Variants in CCDC38 observed in about 807,000 individuals in gnomAD.
CCDC38 encodes coiled-coil domain containing 38.
In CCDC38, 69 loss-of-function variants were observed where a neutral mutation model predicts 72.8. The ratio of observed to expected loss-of-function variants is 0.95; its 90% CI spans 0.78 to 1.16. The LOEUF is 1.16. Among genes scored for constraint, CCDC38 ranks in the 50% most tolerant of loss-of-function variants. The pLI, the probability that CCDC38 is intolerant of heterozygous loss-of-function variation, is 0.00. For synonymous variants in CCDC38, 201 were observed against 213.2 expected (o/e 0.94, Z 0.50); for missense variants, 626 against 638.9 (o/e 0.98, Z 0.22).
chr12:95,867,174 C>A lies in CCDC38; in HGVS notation c.1594G>T (p.Val532Phe). The A allele has an allele frequency of 6.3e-7, 1 of 1,589,542 alleles. No individual in the cohort carries two copies. The highest frequency in any genetic ancestry group is 1.1e-5 in the South Asian group (1 of 88,822). The change falls in exon 16 of 16, where the codon GTC becomes TTC. Residue 532 changes from valine (V) to phenylalanine (F), a missense_variant. Val to Phe is a conservative substitution (Grantham distance 50). Transcript: ENST00000344280. ...CCAGATGGAGGTTTTGAATGAAAGA[C>A]AAGTCGTCTTCCCAACTGAAACAAA... The part of the protein sequence containing the change: ...QPKKKLGRRL[V>F]FHSKPPSGNK...
At chr12:95,875,826 C>T (rs1028994821) in intron 13 of CCDC38, among the ~76,000 whole-genome samples, 2 of 152,102 alleles carry the variant, frequency 1.3e-5, no homozygotes, top group Non-Finnish European at 1.5e-5. Flanking sequence ...AGGAATTTTA[C>T]GTCAATTCTA....
intron 4 of CCDC38, among the ~76,000 whole-genome samples, chr12:95,907,359 G>T (rs1235431905): frequency 6.9e-6 from 1 of 144,390 alleles, no homozygotes; most frequent in African/African-American, 2.6e-5. Flanking sequence ...AGACGGGGTG[G>T]TGGCCGGGCA....
chr12:95,917,534 A>G (rs1300431817), intron 3 of CCDC38, among the ~76,000 whole-genome samples: 1 of 152,168 alleles, frequency 6.6e-6, no homozygotes, highest in Non-Finnish European at 1.5e-5. Context: ...ATGTCCTCTC[A>G]GCTTCATTTT....
At chr12:95,886,504 C>A (rs969960089) in intron 10 of CCDC38, among the ~76,000 whole-genome samples, 5 of 151,606 alleles carry the variant, frequency 3.3e-5, no homozygotes, top group African/African-American at 1.2e-4. Flanking sequence ...CTGCAAAAGA[C>A]CCTATTAAGA....
rs575235781 is a variant in CCDC38, at chr12:95,911,896, T to C, written c.304+5233A>G. ...ACCTCCCCAAAAATAAATTGTTCTG[T>C]CAAAAAGACACATGCACTTGTATGT... On this transcript the variant is annotated intron_variant, in intron 4 of 15. Coordinates refer to ENST00000344280, the MANE Select transcript of CCDC38 (RefSeq NM_182496.3). Among the ~76,000 whole-genome samples the C allele has an allele frequency of 1.3e-5, 2 of 152,064 alleles. 1 individual carries two copies. Among genetic ancestry groups the C allele is most frequent in the African/African-American group, 4.8e-5 (2 of 41,382 alleles).
At chr12:95,928,171 T>C (rs1406335007) in intron 2 of CCDC38, among the ~76,000 whole-genome samples, 9 of 152,020 alleles carry the variant, frequency 5.9e-5, no homozygotes, top group African/African-American at 2.2e-4. Flanking sequence ...CACTTTCAGG[T>C]ACACCAATCA....
At chr12:95,916,417 C>CTTCCTTCCTTCCT (rs1264254817) in intron 4 of CCDC38, among the ~76,000 whole-genome samples, 5 of 145,342 alleles carry the variant, frequency 3.4e-5, no homozygotes, top group African/African-American at 1.3e-4. Flanking sequence ...TCCTTCCTTC[C>CTTCCTTCCTTCCT]TTTTTTCCCT....
intron 10 of CCDC38, among the ~76,000 whole-genome samples, chr12:95,887,704 T>G (rs575531057): frequency 1.3e-5 from 2 of 152,370 alleles, no homozygotes; most frequent in East Asian, 3.9e-4. Flanking sequence ...CTGGTTATGG[T>G]ATTTGTGCTA....
At chr12:95,881,404 AT>A (rs1248846831) in intron 11 of CCDC38, 80 bp downstream of exon 11, 2 of 1,073,688 alleles carry the variant, frequency 1.9e-6, no homozygotes, top group Non-Finnish European at 2.7e-6. Context: ...TGAATAAAAT[AT>A]TTTAATTTCA....
chr12:95,895,282 A>T (rs762871202), intron 7 of CCDC38, 136 bp from the exon 8 acceptor site: 1 of 543,174 alleles, frequency 1.8e-6, no homozygotes, highest in African/African-American at 2.0e-5. Flanking sequence ...ATATGGCCAT[A>T]AAAATATGGG....
intron 15 of CCDC38, 61 bp from the exon 16 acceptor site, chr12:95,867,250 A>G: frequency 1.2e-6 from 1 of 840,280 alleles, no homozygotes; most frequent in East Asian, 2.4e-5. Flanking sequence ...TTCTATTGAA[A>G]TTTGTGAAAT....
intron 2 of CCDC38, among the ~76,000 whole-genome samples, chr12:95,929,630 G>A (rs2080315273): frequency 6.6e-6 from 1 of 152,126 alleles, no homozygotes; most frequent in Non-Finnish European, 1.5e-5. Context: ...TAACTGTCTT[G>A]GAATTGACAA....
At position 95,891,907 on chromosome 12, in the gene CCDC38, G is replaced by C. The variant is rs551862933; in HGVS notation, c.773-977C>G. Among the ~76,000 whole-genome samples, 8 of 152,090 alleles carry C rather than the reference G, an allele frequency of 5.3e-5. 1 individual carries two copies. In the South Asian group the frequency reaches 1.7e-3, roughly 32 times the overall value. On this transcript the variant is annotated intron_variant, in intron 8 of 15. Coordinates refer to ENST00000344280, the MANE Select transcript of CCDC38 (RefSeq NM_182496.3). ...GCAAATTCCCCCTGATTTGTAGTTC[G>C]CCAATTTCTGTGTTGTAAATGCTCC...
chr12:95,903,460 G>T (rs1196441681), intron 5 of CCDC38: 1 of 699,884 alleles, frequency 1.4e-6, no homozygotes, highest in Non-Finnish European at 2.6e-6. Context: ...TCCTTGCCTT[G>T]TTCCTAATCT....
At chr12:95,913,522 G>A (rs1182502918) in intron 4 of CCDC38, among the ~76,000 whole-genome samples, 1 of 152,150 alleles carries the variant, frequency 6.6e-6, no homozygotes, top group Non-Finnish European at 1.5e-5. Context: ...AGAAGACCCA[G>A]AGAAAAGCAC....
rs751518529 is a variant in CCDC38, at chr12:95,917,132, C to G, written c.301G>C (p.Glu101Gln). The G allele has an allele frequency of 6.4e-7, 1 of 1,574,066 alleles. No individual in the cohort carries two copies. The highest frequency in any genetic ancestry group is 2.2e-5 in the Admixed American group (1 of 45,582). ...TTAAAGAGTAATTTAGACTCACCTT[C>G]TATTAATCTAGGAATCGGAGCAGGA... ...PGPAPIPRLI[E>Q]GSDTKRTVHE... is the part of the protein sequence containing the mutation. The change falls in exon 4 of 16, where the codon GAA (glutamate) becomes CAA (glutamine). Residue 101 changes from glutamate (E) to glutamine (Q), a missense_variant. Coordinates refer to ENST00000344280, the MANE Select transcript of CCDC38 (RefSeq NM_182496.3).
intron 2 of CCDC38, among the ~76,000 whole-genome samples, chr12:95,931,299 T>C (rs551148638): frequency 1.4e-4 from 22 of 152,310 alleles, no homozygotes; most frequent in African/African-American, 5.3e-4. Flanking sequence ...CACATCACCT[T>C]CTCGGTCTTT....
intron 4 of CCDC38, among the ~76,000 whole-genome samples, chr12:95,906,945 G>A (rs2080010566): frequency 6.6e-6 from 1 of 150,826 alleles, no homozygotes. Flanking sequence ...AAGGTCTCTG[G>A]TTTTCCTAGG....
chr12:95,943,083 C>G, upstream of CCDC38: 3 of 303,056 alleles, frequency 9.9e-6, no homozygotes, highest in East Asian at 7.0e-5. Flanking sequence ...TTTGATCTCT[C>G]GGGGTGACCA....
Sources: allele counts gnomAD v4.1 joint callset (sites outside exome capture counted in the v4.1 genomes callset), GRCh38; gene constraint gnomAD v4.1.1; transcripts MANE v1.5; gene names NCBI Gene and HGNC (gene_info 2026-07-23, HGNC 2026-07-21).